The following DOK6 variants were observed in gnomAD, a reference collection of about 807,000 sequenced individuals.
The protein encoded by DOK6 is downstream of tyrosine kinase 6.
In DOK6, 22 loss-of-function variants were observed where a neutral mutation model predicts 44.0. The ratio of observed to expected loss-of-function variants is 0.50; its 90% CI spans 0.36 to 0.71. The LOEUF (loss-of-function observed/expected upper bound fraction) is 0.71. DOK6 is among the 30% of genes least tolerant of loss of function. The pLI, the probability that DOK6 is intolerant of heterozygous loss-of-function variation, is 0.00. For synonymous variants in DOK6, 166 were observed against 145.5 expected, an observed-to-expected ratio of 1.14 and a Z score of -1.01; for missense variants, 340 against 416.4, an observed-to-expected ratio of 0.82 and a Z score of 1.60.
intron 7 of DOK6, among the ~76,000 whole-genome samples, chr18:69,766,150 A>T (rs1979706692): frequency 6.6e-6 from 1 of 152,220 alleles, no homozygotes; most frequent in Non-Finnish European, 1.5e-5. Context: ...TATTAGCCTA[A>T]GCAAATTGAA....
intron 4 of DOK6, among the ~76,000 whole-genome samples, chr18:69,691,398 T>G (rs1320511481): frequency 6.7e-6 from 1 of 149,608 alleles, no homozygotes; most frequent in Non-Finnish European, 1.5e-5. Flanking sequence ...TCAAGCCCCA[T>G]GAAAGAGGAA....
chr18:69,840,148 G>A (rs1982173622), intron 7 of DOK6, among the ~76,000 whole-genome samples: 1 of 152,198 alleles, frequency 6.6e-6, no homozygotes, highest in Non-Finnish European at 1.5e-5. Context: ...CATTGCCAAG[G>A]ACAGAGCCAC....
intron 1 of DOK6, among the ~76,000 whole-genome samples, chr18:69,436,850 T>C (rs1404326484): frequency 6.6e-6 from 1 of 152,234 alleles, no homozygotes; most frequent in Non-Finnish European, 1.5e-5. Context: ...ATTATCACCA[T>C]TGTAACTATT....
chr18:69,813,666 G>A (rs1221630577), intron 7 of DOK6, among the ~76,000 whole-genome samples: 1 of 152,104 alleles, frequency 6.6e-6, no homozygotes, highest in Non-Finnish European at 1.5e-5. Context: ...GGGAACCTAA[G>A]GAAAGCTTTG....
At chr18:69,587,358 A>C (rs1488016920) in intron 2 of DOK6, among the ~76,000 whole-genome samples, 3 of 152,012 alleles carry the variant, frequency 2.0e-5, no homozygotes, top group Non-Finnish European at 4.4e-5. Flanking sequence ...CTCTGCCTCC[A>C]TCTTCTCAGG....
At chr18:69,426,989 C>T (rs1978656259) in intron 1 of DOK6, among the ~76,000 whole-genome samples, 1 of 144,786 alleles carries the variant, frequency 6.9e-6, no homozygotes, top group Non-Finnish European at 1.5e-5. Context: ...ATCCTCTCTC[C>T]CCTTCCATCC....
intron 1 of DOK6, among the ~76,000 whole-genome samples, chr18:69,524,500 T>C (rs1014903837): frequency 6.6e-6 from 1 of 151,852 alleles, no homozygotes; most frequent in African/African-American, 2.4e-5. Context: ...ACTAGAGGAG[T>C]GTGGACAATA....
At chr18:69,567,897 G>A (rs912593666) in intron 2 of DOK6, among the ~76,000 whole-genome samples, 6 of 152,154 alleles carry the variant, frequency 3.9e-5, no homozygotes, top group East Asian at 1.9e-4. Context: ...TATCTCAGCC[G>A]CTTGCTCCAG....
intron 5 of DOK6, among the ~76,000 whole-genome samples, chr18:69,718,335 C>G (rs1335287272): frequency 1.3e-5 from 2 of 152,106 alleles, no homozygotes; most frequent in East Asian, 1.9e-4. Flanking sequence ...CCCAACCCCC[C>G]AAAAGAAGCT....
intron 3 of DOK6, among the ~76,000 whole-genome samples, chr18:69,647,194 C>T (rs59741278): frequency 0.12 from 17,819 of 151,974 alleles, 1,166 homozygotes; most frequent in East Asian, 0.2. Flanking sequence ...CATCCATCTA[C>T]CTATCTATCT....
In DOK6 at chr18:69,426,554, A is replaced by G. The variant is rs77261999; in HGVS notation, c.66+25244A>G. 7.8e-3 allele frequency among the ~76,000 whole-genome samples: 1,182 copies of G among 152,302 alleles called. 12 individuals carry two copies. Among genetic ancestry groups the G allele is most frequent in the Non-Finnish European group, 0.012 (820 of 68,006 alleles). On this transcript the variant is annotated intron_variant, in intron 1 of 7. Transcript: ENST00000382713. ...GATATAAACGACTAAACTTTGGGCC[A>G]TATTACTAAACATTGTAGATCATGA...
chr18:69,721,307 GCTAA>G (rs1352944584), intron 5 of DOK6: 1 of 152,172 alleles, frequency 6.6e-6, no homozygotes, highest in Non-Finnish European at 1.5e-5. Context: ...CATAGCCTAA[GCTAA>G]CTATTTACCT....
In DOK6 at chr18:69,583,915, T is replaced by C. The variant is rs942498862; in HGVS notation, c.175-15469T>C. Among the ~76,000 whole-genome samples, 11 of 152,228 alleles carry C rather than the reference T, an allele frequency of 7.2e-5. No homozygotes were observed. In the Middle Eastern group the frequency reaches 0.014, roughly 188 times the overall value. On this transcript the variant is annotated intron_variant, in intron 2 of 7. Coordinates refer to ENST00000382713, the MANE Select transcript of DOK6 (RefSeq NM_152721.6). ...TGAAGTCAGGAGATCGAGACCATCC[T>C]GGCTAACACGGTGAAACCCCGTCCC...
Position 69,848,509 on chromosome 18 carries a change from G to C in DOK6, c.*7126G>C, listed in dbSNP as rs985157690. The C allele has an allele frequency of 1.3e-5, 2 of 152,152 alleles. No homozygotes were observed. Among genetic ancestry groups the C allele is most frequent in the African/African-American group, 4.8e-5 (2 of 41,440 alleles). The allele number at this position is 152,152 out of a possible 1,614,324, so 9.4% of individuals were successfully genotyped here. ...TTTTGGGATGAGATGCAAAGCAACA[G>C]CTGTCCCTGGAACTGAAATGTGAAT... On this transcript the variant is annotated 3_prime_UTR_variant, in exon 8 of 8. Coordinates refer to ENST00000382713, the MANE Select transcript of DOK6 (RefSeq NM_152721.6).
intron 1 of DOK6, among the ~76,000 whole-genome samples, chr18:69,524,753 C>G (rs1981783227): frequency 6.6e-6 from 1 of 151,812 alleles, no homozygotes; most frequent in Non-Finnish European, 1.5e-5. Context: ...TGAAGGATTT[C>G]AACCTAATTT....
intron 1 of DOK6, among the ~76,000 whole-genome samples, chr18:69,511,558 T>A (rs980093305): frequency 6.6e-6 from 1 of 152,208 alleles, no homozygotes; most frequent in African/African-American, 2.4e-5. Context: ...ACTTTGTCAT[T>A]TTCCCAATAT....
At chr18:69,822,562 GA>G (rs1487042512) in intron 7 of DOK6, among the ~76,000 whole-genome samples, 1 of 152,184 alleles carries the variant, frequency 6.6e-6, no homozygotes, top group Non-Finnish European at 1.5e-5. Flanking sequence ...AATCCAGCCT[GA>G]CATTTCCCCC....
chr18:69,636,500 A>G (rs1371508166), intron 3 of DOK6, among the ~76,000 whole-genome samples: 1 of 152,226 alleles, frequency 6.6e-6, no homozygotes, highest in East Asian at 1.9e-4. Flanking sequence ...CAAATAGTTA[A>G]CAAGGTAGTC....
Position 69,605,799 on chromosome 18 carries a change from T to G in DOK6, c.289+6301T>G, listed in dbSNP as rs193116827. ...GCTACATCACACTTAAGATAAAAAC[T>G]GATGCTTTCTCCATAGACTGGGAAG... On this transcript the variant is annotated intron_variant, in intron 3 of 7. Transcript: ENST00000382713. Among the ~76,000 whole-genome samples, 89 of 152,226 alleles carry G rather than the reference T, an allele frequency of 5.8e-4. 1 individual carries two copies. The East Asian group carries it at 0.016, about 27-fold the overall frequency.
Sources: gnomAD v4.1 joint callset for allele counts (sites outside exome capture counted in the v4.1 genomes callset) on GRCh38, gnomAD v4.1.1 for gene constraint, MANE v1.5 for transcripts, NCBI Gene and HGNC (gene_info 2026-07-23, HGNC 2026-07-21) for gene names.